Variants in MRPL46 observed in about 807,000 individuals in gnomAD.
MRPL46 encodes the protein large ribosomal subunit protein mL46.
Under a neutral mutation model 31.0 loss-of-function variants are expected in MRPL46, and 26 were observed. The observed-to-expected ratio is 0.84, with a 90% confidence interval of 0.61 to 1.16. The LOEUF is 1.16. Among genes scored for constraint, MRPL46 ranks in the 50% most tolerant of loss-of-function variants. The pLI, the probability that MRPL46 is intolerant of heterozygous loss-of-function variation, is 0.00. For synonymous variants in MRPL46, 159 were observed against 141.3 expected (o/e 1.13, Z -0.89); for missense variants, 395 against 340.0 (o/e 1.16, Z -1.27).
chr15:88,464,859 C>A lies in MRPL46; in HGVS notation c.433G>T (p.Asp145Tyr). 1 of 1,613,752 alleles carries A rather than the reference C, an allele frequency of 6.2e-7. No individual in the cohort carries two copies. The highest frequency in any genetic ancestry group is 1.1e-5 in the South Asian group (1 of 90,980). Residue 145 changes from aspartate to tyrosine, a missense_variant, in exon 3 of 4, where the codon GAC becomes TAC. By Grantham distance (160) the Asp-to-Tyr change is radical (BLOSUM62 -3). Coordinates refer to ENST00000312475, the MANE Select transcript of MRPL46 (RefSeq NM_022163.4). The stretch of plus-strand genomic sequence containing the variant: ...AGCTTCCTGTTCAGGGATGTTCGGT[C>A]ATTCTTTTCATCAGCTTCTACAGCA... ...ARITEADEKN[D>Y]RTSLNRKLDR... is the part of the protein sequence containing the mutation.
intron 1 of MRPL46, among the ~76,000 whole-genome samples, chr15:88,466,008 G>A (rs2055526736): frequency 6.6e-6 from 1 of 152,188 alleles, no homozygotes; most frequent in African/African-American, 2.4e-5. Context: ...GTCACTGGGG[G>A]TCAAGAGTGC....
Position 88,464,726 on chromosome 15 carries a change from T to G in MRPL46, c.566A>C (p.Glu189Ala), listed in dbSNP as rs776020811. ...QPGETLRGTA[E>A]RTLATLSENN... ...ACCTGAGAGTGTGGCCAGGGTTCGT[T>G]CAGCTGTTCCTCGAAGGGTCTCCCC... The change falls in exon 3 of 4, where the codon GAA (glutamate) becomes GCA (alanine). Residue 189 changes from glutamate (E) to alanine (A), a missense_variant. Glu to Ala is a moderately radical substitution (Grantham distance 107). Transcript: ENST00000312475. The G allele has an allele frequency of 1.2e-6, 2 of 1,613,930 alleles. No homozygotes were observed. The highest frequency in any genetic ancestry group is 1.7e-4 in the Middle Eastern group (1 of 6,060).
chr15:88,465,940 G>GA (rs199603024), intron 1 of MRPL46, among the ~76,000 whole-genome samples, 167 bp from the exon 2 acceptor site: 10,044 of 152,088 alleles, frequency 0.066, 1,139 homozygotes, highest in African/African-American at 0.23. Flanking sequence ...GGAAATGGAG[G>GA]GAAAAAAAGG....
At chr15:88,465,120 T>G in intron 2 of MRPL46, 1 of 438,784 alleles carries the variant, frequency 2.3e-6, no homozygotes, top group South Asian at 5.9e-5. Flanking sequence ...ATATTTTGAG[T>G]CTTCAAAAAA....
rs1039954727 is a variant in MRPL46, at chr15:88,467,085, G to A, written c.228+65C>T. The stretch of plus-strand genomic sequence containing the variant: ...GTACCGTATACTTAAGTTCAGAGAG[G>A]TGAAATTACTCGCTCAAAGTCACGC... On this transcript the variant is annotated intron_variant, in intron 1 of 3. Transcript: ENST00000312475. The A allele has an allele frequency of 7.1e-6, 11 of 1,553,606 alleles. No individual in the cohort carries two copies. In the Admixed American group the frequency reaches 1.0e-4, roughly 14 times the overall value.
chr15:88,459,587 G>C lies in MRPL46; in HGVS notation c.*26C>G. On this transcript the variant is annotated 3_prime_UTR_variant, in exon 4 of 4. Coordinates refer to ENST00000312475, the MANE Select transcript of MRPL46 (RefSeq NM_022163.4). ...AGGCTCTAATCCCAGACTTGTCTGA[G>C]CACCGTCCACAGGCAGCTCGGCCCA... 6.2e-7 allele frequency: 1 copy of C among 1,612,802 alleles called. No individual in the cohort carries two copies.
intron 1 of MRPL46, 127 bp from the exon 2 acceptor site, chr15:88,465,900 C>A: frequency 2.4e-6 from 2 of 841,566 alleles, no homozygotes; most frequent in Non-Finnish European, 3.5e-6. Context: ...CCAACATAAC[C>A]AGATACACAG....
In MRPL46 at chr15:88,465,613, T is replaced by G. The variant is rs376310802; in HGVS notation, c.389A>C (p.Gln130Pro). 1.9e-6 allele frequency: 3 copies of G among 1,611,400 alleles called. No homozygotes were observed. The African/African-American group carries it at 4.0e-5, about 22-fold the overall frequency. Reference sequence around the variant, plus strand: ...TGTTATGCGAGCTCCAAGTTTGAACTGTAGAAATTTCTGCTCCCACATATC... The same window carrying G: ...TGTTATGCGAGCTCCAAGTTTGAACGGTAGAAATTTCTGCTCCCACATATC... ...LEDMWEQKFL[Q>P]FKLGARITEA... is the part of the protein sequence containing the mutation. Residue 130 changes from glutamine to proline, a missense_variant, in exon 2 of 4, where the codon CAG (glutamine) becomes CCG (proline). Transcript: ENST00000312475.
intron 2 of MRPL46, 103 bp from the exon 3 acceptor site, chr15:88,464,979 C>T (rs2055510347): frequency 7.2e-7 from 1 of 1,388,112 alleles, no homozygotes; most frequent in African/African-American, 1.5e-5. Context: ...TCCTTGCCCT[C>T]AAAGAGCTTA....
chr15:88,460,120 C>T, intron 3 of MRPL46: 1 of 489,730 alleles, frequency 2.0e-6, no homozygotes. Flanking sequence ...AAGTCAGCAA[C>T]ACAGTTACAA....
At chr15:88,465,954 T>A (rs2055526011) in intron 1 of MRPL46, among the ~76,000 whole-genome samples, 181 bp from the exon 2 acceptor site, 1 of 152,166 alleles carries the variant, frequency 6.6e-6, no homozygotes, top group Non-Finnish European at 1.5e-5. Flanking sequence ...AAAAAGGTCC[T>A]CTGAACTTTG....
At chr15:88,466,131 A>C (rs1000183225) in intron 1 of MRPL46, among the ~76,000 whole-genome samples, 2 of 152,196 alleles carry the variant, frequency 1.3e-5, no homozygotes, top group African/African-American at 4.8e-5. Flanking sequence ...AGGGACTTTC[A>C]AGAGGTTGTT....
chr15:88,462,346 T>C (rs966198027), intron 3 of MRPL46: 1 of 152,202 alleles, frequency 6.6e-6, no homozygotes, highest in Non-Finnish European at 1.5e-5. Context: ...CTGGAAAAGA[T>C]GGATTAAAAA....
At chr15:88,461,341 T>G (rs570898578) in intron 3 of MRPL46, 1 of 151,766 alleles carries the variant, frequency 6.6e-6, no homozygotes, top group African/African-American at 2.4e-5. Flanking sequence ...TGCTTGAGAA[T>G]AGGAGTTTAA....
chr15:88,466,320 T>C (rs2055532360), intron 1 of MRPL46, among the ~76,000 whole-genome samples: 1 of 152,258 alleles, frequency 6.6e-6, no homozygotes. Context: ...TGTGATGTAT[T>C]TGTTAAACAC....
Position 88,467,316 on chromosome 15 carries a change from C to T in MRPL46, c.62G>A (p.Arg21Lys). ...AGAGCTTAGACTGCCGGCCCAGAGC[C>T]TCTCGAACCGCCGCCAACCCCCCGC... Reference protein sequence around the residue: ...GVAGGWRRFERLWAGSLSSRS... With the variant: ...GVAGGWRRFEKLWAGSLSSRS... Residue 21 changes from arginine (R) to lysine (K), a missense_variant, in exon 1 of 4, where the codon AGG becomes AAG. Physicochemically the swap from Arg to Lys is conservative, Grantham distance 26. Transcript: ENST00000312475. 5.0e-6 allele frequency: 8 copies of T among 1,609,728 alleles called. No individual in the cohort carries two copies. Among genetic ancestry groups the T allele is most frequent in the Non-Finnish European group, 6.8e-6 (8 of 1,178,168 alleles).
rs1288719213 is a variant in MRPL46 at position 88,463,769 on chromosome 15, T to C, written c.589+934A>G. The C allele has an allele frequency of 6.6e-6, 1 of 152,262 alleles. No individual in the cohort carries two copies. The highest frequency in any genetic ancestry group is 1.5e-5 in the Non-Finnish European group (1 of 68,040). The allele number at this position is 152,262 out of a possible 1,614,324, so 9.4% of individuals were successfully genotyped here. On this transcript the variant is annotated intron_variant, in intron 3 of 3. Coordinates refer to ENST00000312475, the MANE Select transcript of MRPL46 (RefSeq NM_022163.4). The surrounding 1 kb of genome is among the most constrained non-coding windows in gnomAD (Gnocchi z 5.4). Reference sequence around the variant, plus strand: ...CTATTCAAGGAATGCAAAAGGTTTGTTAAGTTAGAACTTGAATTTTACATT... The same window carrying C: ...CTATTCAAGGAATGCAAAAGGTTTGCTAAGTTAGAACTTGAATTTTACATT...
chr15:88,461,128 T>A (rs1184757447), intron 3 of MRPL46: 1 of 152,194 alleles, frequency 6.6e-6, no homozygotes, highest in Non-Finnish European at 1.5e-5. Context: ...AAACAAAATT[T>A]TTAAGCCCAA....
intron 2 of MRPL46, 129 bp downstream of exon 2, chr15:88,465,458 G>C (rs2055515208): frequency 4.9e-6 from 5 of 1,025,120 alleles, no homozygotes; most frequent in Non-Finnish European, 6.8e-6. Context: ...GTAGATGTGA[G>C]CAACAAAGAA....
Sources: allele counts gnomAD v4.1 joint callset (sites outside exome capture counted in the v4.1 genomes callset), GRCh38; gene constraint gnomAD v4.1.1; non-coding constraint Gnocchi (gnomAD v3.1); transcripts MANE v1.5; gene names NCBI Gene and HGNC (gene_info 2026-07-23, HGNC 2026-07-21).